Variants in ATP8B1 observed in about 807,000 individuals in gnomAD.
The protein encoded by ATP8B1 is ATPase phospholipid transporting 8B1.
In ATP8B1, 80 loss-of-function variants were observed where a neutral mutation model predicts 149.9. That is an observed-to-expected ratio of 0.53 (90% confidence interval 0.45 to 0.64). The LOEUF is 0.64. Among genes scored for constraint, ATP8B1 ranks in the 30% least tolerant of loss-of-function variants. ATP8B1 has a pLI of 0.00. For missense variants in ATP8B1, 1,247 were observed against 1,552.6 expected, an observed-to-expected ratio of 0.80 and a Z score of 3.31; for synonymous variants, 536 against 562.8, an observed-to-expected ratio of 0.95 and a Z score of 0.67.
intron 1 of ATP8B1, among the ~76,000 whole-genome samples, chr18:57,797,045 G>A (rs532044186): frequency 6.6e-6 from 1 of 152,230 alleles, no homozygotes; most frequent in East Asian, 1.9e-4. Flanking sequence ...GAGAAAATAA[G>A]GATGTGTACA....
intron 6 of ATP8B1, among the ~76,000 whole-genome samples, chr18:57,699,220 A>G (rs1912989097): frequency 6.6e-6 from 1 of 152,240 alleles, no homozygotes; most frequent in Admixed American, 6.5e-5. Flanking sequence ...TCTAATGCAA[A>G]TATAGACTAT....
Position 57,755,823 on chromosome 18 carries a change from A to G in ATP8B1, c.-25-23991T>C, listed in dbSNP as rs73445073. ...GTCACAGCAGTGCAATTCCAATTCA[A>G]TCCAATCCCCAGCCATAACATAATT... is the stretch of plus-strand genomic sequence containing the variant. On this transcript the variant is annotated intron_variant, in intron 1 of 27. Transcript: ENST00000648908. 2.6e-3 allele frequency among the ~76,000 whole-genome samples: 392 copies of G among 152,304 alleles called. 1 individual carries two copies. The highest frequency in any genetic ancestry group is 8.5e-3 in the African/African-American group (354 of 41,572).
chr18:57,674,241 C>CAAAAAAAAAAAAAAA (rs745500180), intron 16 of ATP8B1, among the ~76,000 whole-genome samples: 1 of 82,598 alleles, frequency 1.2e-5, no homozygotes, highest in Admixed American at 1.7e-4. Context: ...GACTCCATCT[C>CAAAAAAAAAAAAAAA]AAAAAAAAAA....
At chr18:57,714,477 G>C (rs1913902291) in intron 2 of ATP8B1, among the ~76,000 whole-genome samples, 1 of 151,736 alleles carries the variant, frequency 6.6e-6, no homozygotes, top group African/African-American at 2.4e-5. Flanking sequence ...CTTCATGTCT[G>C]ACCCAGTACA....
chr18:57,775,937 C>T (rs1463782756), intron 1 of ATP8B1, among the ~76,000 whole-genome samples: 3 of 152,170 alleles, frequency 2.0e-5, no homozygotes, highest in South Asian at 2.1e-4. Context: ...AGCTGCTGCG[C>T]CCAGCCTAGG....
chr18:57,698,973 AAGGATACTGTCCTGCCTCCAACATGCAG>A (rs1327190911), intron 6 of ATP8B1, among the ~76,000 whole-genome samples: 1 of 152,180 alleles, frequency 6.6e-6, no homozygotes, highest in Non-Finnish European at 1.5e-5. Flanking sequence ...TAAATTTCTC[AAGGATACTGTCCTGCCTCCAACATGCAG>A]AAAGTACTCC....
intron 2 of ATP8B1, among the ~76,000 whole-genome samples, chr18:57,712,251 G>A (rs1348718492): frequency 6.6e-6 from 1 of 152,062 alleles, no homozygotes; most frequent in Non-Finnish European, 1.5e-5. Context: ...AAGAGGGTAG[G>A]AAAAATAGTC....
Position 57,802,319 on chromosome 18 carries a change from A to G in ATP8B1, c.-26+679T>C, listed in dbSNP as rs932786113. Among the ~76,000 whole-genome samples, 1 of 152,148 alleles carries G rather than the reference A, an allele frequency of 6.6e-6. No homozygotes were observed. The highest frequency in any genetic ancestry group is 2.4e-5 in the African/African-American group (1 of 41,446). ...CTGAGGGAAGGAGATGCCTGCAGCC[A>G]TCTCAGCGGGGCTGGCGGACGCGAC... On this transcript the variant is annotated intron_variant, in intron 1 of 27. Coordinates refer to ENST00000648908, the MANE Select transcript of ATP8B1 (RefSeq NM_001374385.1). This position sits in a 1 kb window ranked among gnomAD's most constrained non-coding sequence, Gnocchi z 4.9.
intron 1 of ATP8B1, among the ~76,000 whole-genome samples, chr18:57,742,716 T>A (rs1267865998): frequency 6.6e-6 from 1 of 151,590 alleles, no homozygotes; most frequent in Admixed American, 6.6e-5. Context: ...CCCAGCTACT[T>A]GGGAGGCTGA....
chr18:57,729,645 G>C (rs936642971), intron 2 of ATP8B1, among the ~76,000 whole-genome samples: 2 of 147,968 alleles, frequency 1.4e-5, no homozygotes, highest in African/African-American at 5.0e-5. Context: ...CTGCCTGCCG[G>C]GTTCTAGTGA....
At chr18:57,735,970 C>CCCCCCA (rs927718040) in intron 1 of ATP8B1, among the ~76,000 whole-genome samples, 1 of 143,648 alleles carries the variant, frequency 7.0e-6, no homozygotes, top group African/African-American at 2.6e-5. Context: ...ATTCCTTGCC[C>CCCCCCA]CCCCCACCCC....
intron 2 of ATP8B1, among the ~76,000 whole-genome samples, chr18:57,713,189 T>TTCTC (rs1913786027): frequency 1.2e-5 from 1 of 84,388 alleles, no homozygotes; most frequent in African/African-American, 4.4e-5. Flanking sequence ...CTTTCTTTCT[T>TTCTC]TCTTTCTTTC....
intron 1 of ATP8B1, among the ~76,000 whole-genome samples, chr18:57,773,997 G>C (rs558545388): frequency 6.6e-6 from 1 of 152,132 alleles, no homozygotes; most frequent in African/African-American, 2.4e-5. Flanking sequence ...TCCTCGGCTC[G>C]AAACTCTGCA....
Position 57,724,610 on chromosome 18 carries a change from G to C in ATP8B1, c.181+7017C>G, listed in dbSNP as rs2079685658. Among the ~76,000 whole-genome samples, 3 of 150,536 alleles carry C rather than the reference G, an allele frequency of 2.0e-5. No homozygotes were observed. The South Asian group carries it at 6.3e-4, about 32-fold the overall frequency. On this transcript the variant is annotated intron_variant, in intron 2 of 27. Coordinates refer to ENST00000648908, the MANE Select transcript of ATP8B1 (RefSeq NM_001374385.1). ...AAAAAGCCAGGAAACAACAGGTGCT[G>C]GAGAGGATGTGGAGAAATAGGAACA...
chr18:57,664,009 C>T (rs572073445), intron 20 of ATP8B1, among the ~76,000 whole-genome samples: 4 of 151,474 alleles, frequency 2.6e-5, no homozygotes, highest in African/African-American at 7.3e-5. Context: ...TCATGATCCA[C>T]CCGCCTCAGC....
intron 22 of ATP8B1, among the ~76,000 whole-genome samples, chr18:57,657,041 A>C (rs1182943692): frequency 1.3e-5 from 2 of 152,090 alleles, no homozygotes; most frequent in Non-Finnish European, 2.9e-5. Flanking sequence ...CAGGTTTGTT[A>C]CATGGGTATA....
chr18:57,689,145 GA>G (rs1912403960), intron 12 of ATP8B1, among the ~76,000 whole-genome samples: 1 of 152,112 alleles, frequency 6.6e-6, no homozygotes. Context: ...CAGCAGAATG[GA>G]AGACACAGCA....
At chr18:57,757,805 C>T (rs964962423) in intron 1 of ATP8B1, among the ~76,000 whole-genome samples, 2 of 152,104 alleles carry the variant, frequency 1.3e-5, no homozygotes, top group Non-Finnish European at 2.9e-5. Context: ...AATTTCTTTG[C>T]GAGTTTCCCT....
intron 2 of ATP8B1, chr18:57,731,394 T>A (rs2079764196): frequency 5.2e-5 from 21 of 400,360 alleles, no homozygotes; most frequent in South Asian, 9.3e-5. Context: ...AACAAAGACC[T>A]TAATGTATTT....
Sources: allele counts gnomAD v4.1 joint callset (sites outside exome capture counted in the v4.1 genomes callset), GRCh38; gene constraint gnomAD v4.1.1; non-coding constraint Gnocchi (gnomAD v3.1); transcripts MANE v1.5; gene names NCBI Gene and HGNC (gene_info 2026-07-23, HGNC 2026-07-21).